Variants in HCLS1 observed in about 807,000 individuals in gnomAD.
HCLS1 encodes hematopoietic lineage cell-specific protein.
HCLS1 carries 44 observed loss-of-function variants against 68.6 expected under a neutral mutation model. The ratio of observed to expected loss-of-function variants is 0.64; its 90% CI spans 0.50 to 0.82. The LOEUF (loss-of-function observed/expected upper bound fraction) is 0.82. HCLS1 is among the 40% of genes least tolerant of loss of function. HCLS1 has a pLI of 0.00. For synonymous variants in HCLS1, 217 were observed against 225.8 expected (o/e 0.96, Z 0.35); for missense variants, 602 against 612.1 (o/e 0.98, Z 0.17).
intron 6 of HCLS1, among the ~76,000 whole-genome samples, chr3:121,641,391 A>T (rs1366346954): frequency 6.6e-6 from 1 of 152,244 alleles, no homozygotes. Flanking sequence ...TGAAAGAATT[A>T]TCAATGGAAT....
At chr3:121,657,609 A>G (rs921963000) in intron 2 of HCLS1, among the ~76,000 whole-genome samples, 2 of 152,070 alleles carry the variant, frequency 1.3e-5, no homozygotes, top group Admixed American at 1.3e-4. Context: ...TTAGGTCAGG[A>G]GCTCAAGACT....
chr3:121,646,046 T>C (rs1290785751), intron 4 of HCLS1, among the ~76,000 whole-genome samples: 2 of 128,058 alleles, frequency 1.6e-5, no homozygotes, highest in African/African-American at 6.0e-5. Flanking sequence ...ATATAATGTA[T>C]TAATATATAA....
chr3:121,631,892 C>T lies in HCLS1; in HGVS notation c.1415G>A (p.Gly472Asp). ...DEGWWRGRCH[G>D]HFGLFPANYV... ...ATTTGCAGGGAAGAGTCCAAAGTGG[C>T]CATGGCAACGTCCCCGCCACCAGCC... Residue 472 changes from glycine (G) to aspartate (D), a missense_variant, in exon 14 of 14, where the codon GGC becomes GAC. By Grantham distance (94) the Gly-to-Asp change is moderately conservative. Coordinates refer to ENST00000314583, the MANE Select transcript of HCLS1 (RefSeq NM_005335.6). 2.5e-6 allele frequency: 4 copies of T among 1,614,144 alleles called. No individual in the cohort carries two copies. The highest frequency in any genetic ancestry group is 3.4e-6 in the Non-Finnish European group (4 of 1,180,018).
rs543975716 is a variant in HCLS1 at position 121,657,362 on chromosome 3, A to G, written c.85-10T>C. 21 of 1,613,884 alleles carry G rather than the reference A, an allele frequency of 1.3e-5. No individual in the cohort carries two copies. The highest frequency in any genetic ancestry group is 5.0e-5 in the Admixed American group (3 of 59,994). On this transcript the variant is annotated splice_polypyrimidine_tract_variant and intron_variant, in intron 2 of 13. Coordinates refer to ENST00000314583, the MANE Select transcript of HCLS1 (RefSeq NM_005335.6). Reference sequence around the variant, plus strand: ...TTTCAGAGATGTCATTCTGCAAACGACAGCACGCAGTAATACATGACGGCA... The same window carrying G: ...TTTCAGAGATGTCATTCTGCAAACGGCAGCACGCAGTAATACATGACGGCA...
intron 5 of HCLS1, 179 bp downstream of exon 5, chr3:121,644,639 C>T: frequency 2.9e-6 from 2 of 701,058 alleles, no homozygotes; most frequent in East Asian, 5.4e-5. Flanking sequence ...CAGCATGTGG[C>T]TTCCAACATT....
chr3:121,645,143 C>A (rs528078835), intron 4 of HCLS1, among the ~76,000 whole-genome samples: 2 of 152,230 alleles, frequency 1.3e-5, no homozygotes, highest in Admixed American at 6.5e-5. Context: ...CATTAGGAAT[C>A]CTTCATTCTG....
In HCLS1 at chr3:121,633,112, C is replaced by T; in HGVS notation, c.963G>A (p.Arg321=). 6.2e-7 allele frequency: 1 copy of T among 1,613,506 alleles called. No individual in the cohort carries two copies. The highest frequency in any genetic ancestry group is 8.5e-7 in the Non-Finnish European group (1 of 1,179,772). Residue 321 remains arginine, a synonymous_variant, in exon 11 of 14, where the codon AGG becomes AGA. Transcript: ENST00000314583. ...SSESEPVRTS[R]EHPVPLLPIR... ...TGGGCAGCAAGGGCACTGGGTGTTCCCTGCTGGTTCTCACAGGCTCAGACT... is the reference window on the plus strand; with the variant it reads ...TGGGCAGCAAGGGCACTGGGTGTTCTCTGCTGGTTCTCACAGGCTCAGACT...
At chr3:121,636,016 A>G (rs1037806317) in intron 8 of HCLS1, among the ~76,000 whole-genome samples, 1 of 152,202 alleles carries the variant, frequency 6.6e-6, no homozygotes, top group African/African-American at 2.4e-5. Flanking sequence ...TCAGCAGCTC[A>G]GTGACCTTAG....
At chr3:121,642,666 C>G (rs753160799) in intron 6 of HCLS1, among the ~76,000 whole-genome samples, 24 of 152,052 alleles carry the variant, frequency 1.6e-4, no homozygotes, top group Non-Finnish European at 2.8e-4. Context: ...GTCACAGCTA[C>G]TCAGAACGCT....
intron 6 of HCLS1, among the ~76,000 whole-genome samples, chr3:121,638,778 A>G (rs2049172075): frequency 6.6e-5 from 10 of 152,220 alleles, no homozygotes; most frequent in Admixed American, 6.5e-4. Context: ...GCATTCTAAG[A>G]GACAAGAAAG....
rs151256233 is a variant in HCLS1 at position 121,634,327 on chromosome 3, C to T, written c.783G>A (p.Val261=). Residue 261 remains valine (V), a synonymous_variant, in exon 10 of 14, where the codon GTG becomes GTA. Transcript: ENST00000314583. The part of the protein sequence containing the change: ...KREEEEKAQQ[V]ARRQQERKAV... ...CCTTTCGCTCCTGTTGCCTCCTGGC[C>T]ACCTGCTGTGCCTTCTCCTCTTCCT... 9.9e-6 allele frequency: 16 copies of T among 1,614,052 alleles called. No individual in the cohort carries two copies. The highest frequency in any genetic ancestry group is 1.3e-5 in the Non-Finnish European group (15 of 1,180,014).
chr3:121,645,598 T>C (rs900487624), intron 4 of HCLS1, among the ~76,000 whole-genome samples: 115 of 152,204 alleles, frequency 7.6e-4, no homozygotes, highest in African/African-American at 2.5e-3. Flanking sequence ...GGAGTTACAA[T>C]GTGGTTGGGG....
At chr3:121,648,814 T>C (rs1200097927) in intron 3 of HCLS1, among the ~76,000 whole-genome samples, 1 of 152,180 alleles carries the variant, frequency 6.6e-6, no homozygotes, top group East Asian at 1.9e-4. Context: ...GAACCCCCTG[T>C]TCCCATGCCT....
In HCLS1 at chr3:121,634,285, G is replaced by A. The variant is rs766604540; in HGVS notation, c.825C>T (p.Ser275=). 5 of 1,614,082 alleles carry A rather than the reference G, an allele frequency of 3.1e-6. No individual in the cohort carries two copies. The African/African-American group carries it at 6.7e-5, about 22-fold the overall frequency. ...QQERKAVTKR[S]PEAPQPVIAM... ...CTATCACTGGCTGTGGAGCCTCAGG[G>A]CTCCTCTTTGTCACAGCCTTTCGCT... The change falls in exon 10 of 14, where the codon AGC becomes AGT. Residue 275 remains serine, a synonymous_variant. Transcript: ENST00000314583.
chr3:121,635,387 C>T (rs549492646), intron 9 of HCLS1, among the ~76,000 whole-genome samples: 92 of 152,070 alleles, frequency 6.0e-4, no homozygotes, highest in African/African-American at 2.1e-3. Context: ...AAGTGATTCT[C>T]CTGCCTCAGC....
chr3:121,633,188 A>T lies in HCLS1; in HGVS notation c.904-17T>A, dbSNP rs377759752. On this transcript the variant is annotated splice_polypyrimidine_tract_variant and intron_variant, in intron 10 of 13. Transcript: ENST00000314583. ...AGGCCAGGCCTGTGGAAAATGAAGC[A>T]TCTCTCAAGTAAGCAAGCCTCCATC... 8 of 1,510,430 alleles carry T rather than the reference A, an allele frequency of 5.3e-6. No homozygotes were observed. Among genetic ancestry groups the T allele is most frequent in the Middle Eastern group, 1.7e-4 (1 of 5,748 alleles). 93.6% of individuals were successfully genotyped at this position (1,510,430 alleles called of 1,614,324 possible).
chr3:121,637,391 G>A lies in HCLS1; in HGVS notation c.455-135C>T, dbSNP rs150241727. ...AAAAGAGCAGGGCTTGAATACAGGG[G>A]AATTAAAGAGAAGCCATGTCTTAAG... On this transcript the variant is annotated intron_variant, in intron 6 of 13. Transcript: ENST00000314583. 8.1e-6 allele frequency: 5 copies of A among 618,138 alleles called. No homozygotes were observed. In the East Asian group the frequency reaches 1.3e-4, roughly 17 times the overall value. The allele number at this position is 618,138 out of a possible 1,614,324, so 38.3% of individuals were successfully genotyped here. A position where few individuals can be genotyped will look rare whatever the true frequency, so the allele number is the denominator to read the frequency against.
In HCLS1 at chr3:121,644,982, A is replaced by C. The variant is rs1359373125; in HGVS notation, c.289-54T>G. ...AAAAGATAAAAATGACCTTAAAAAAATAAATACAGATATGGAGTGGGATGT... is the reference window on the plus strand; with the variant it reads ...AAAAGATAAAAATGACCTTAAAAAACTAAATACAGATATGGAGTGGGATGT... On this transcript the variant is annotated intron_variant, in intron 4 of 13. Coordinates refer to ENST00000314583, the MANE Select transcript of HCLS1 (RefSeq NM_005335.6). 19 of 1,324,894 alleles carry C rather than the reference A, an allele frequency of 1.4e-5. No individual in the cohort carries two copies. In the East Asian group the frequency reaches 4.4e-4, roughly 30 times the overall value. The allele number at this position is 1,324,894 out of a possible 1,614,324, so 82.1% of individuals were successfully genotyped here.
intron 9 of HCLS1, 71 bp downstream of exon 9, chr3:121,635,664 A>G: frequency 2.5e-6 from 3 of 1,176,698 alleles, no homozygotes; most frequent in Non-Finnish European, 2.6e-6. Context: ...CATGGAGGAT[A>G]TAGTCTGGGG....
Sources: gnomAD v4.1 joint callset for allele counts (sites outside exome capture counted in the v4.1 genomes callset) on GRCh38, gnomAD v4.1.1 for gene constraint, MANE v1.5 for transcripts, NCBI Gene and HGNC (gene_info 2026-07-23, HGNC 2026-07-21) for gene names.